The following ARR3 variants were observed in gnomAD, a reference collection of about 807,000 sequenced individuals.
ARR3 encodes the protein arrestin 3, also known as arrestin-C.
In ARR3, 14 loss-of-function variants were observed where a neutral mutation model predicts 35.4. That is an observed-to-expected ratio of 0.40 (90% confidence interval 0.26 to 0.62). The LOEUF is 0.62. Ranked by LOEUF, ARR3 falls within the 20% of genes least tolerant of loss-of-function variation. ARR3 has a pLI of 0.46. For missense variants in ARR3, 259 were observed against 303.8 expected, an observed-to-expected ratio of 0.85 and a Z score of 1.10; for synonymous variants, 97 against 119.1, an observed-to-expected ratio of 0.81 and a Z score of 1.21.
chrX:70,281,687 T>C lies in ARR3; in HGVS notation c.1088T>C (p.Ile363Thr). 8.4e-7 allele frequency: 1 copy of C among 1,183,824 alleles called. No homozygotes were observed. The highest frequency in any genetic ancestry group is 2.4e-5 in the Admixed American group (1 of 41,711). Residue 363 changes from isoleucine (I) to threonine (T), a missense_variant, in exon 17 of 17, where the codon ATA becomes ACA. Coordinates refer to ENST00000307959, the MANE Select transcript of ARR3 (RefSeq NM_004312.3). ...GCTGCTTCTGCAAGCTCTGAGGACA[T>C]AGTCATCGAGGAGTTTACGCGGAAA... ...PSHEAASSED[I>T]VIEEFTRKGE...
intron 5 of ARR3, among the ~76,000 whole-genome samples, chrX:70,275,233 G>C (rs1288146602): frequency 8.9e-6 from 1 of 112,406 alleles, no homozygotes; most frequent in Non-Finnish European, 1.9e-5. Context: ...AACTCCTTTT[G>C]CTCCACATCT....
At chrX:70,281,862 T>G, downstream of ARR3, 1 of 739,230 alleles carries the variant, frequency 1.4e-6, no homozygotes, top group Non-Finnish European at 2.0e-6. Context: ...CTTGCCTATT[T>G]CCTCTTCCTG....
intron 16 of ARR3, 103 bp downstream of exon 16, chrX:70,281,211 A>G: frequency 9.9e-7 from 1 of 1,011,312 alleles, no homozygotes. Flanking sequence ...GGTGCTTTCA[A>G]TACATGTGCA....
Position 70,278,486 on chromosome X carries a change from C to A in ARR3, c.768-18C>A. The stretch of plus-strand genomic sequence containing the variant: ...CAGCAAGCCCAGCCTAAATTCTTCT[C>A]TTGTTCTTCTTTTGTAGGGAGACTG... On this transcript the variant is annotated intron_variant, in intron 11 of 16. Coordinates refer to ENST00000307959, the MANE Select transcript of ARR3 (RefSeq NM_004312.3). 1 of 1,203,921 alleles carries A rather than the reference C, an allele frequency of 8.3e-7. No individual in the cohort carries two copies. Among genetic ancestry groups the A allele is most frequent in the South Asian group, 1.8e-5 (1 of 55,571 alleles).
Position 70,277,424 on chromosome X carries a change from A to G in ARR3, c.504A>G (p.Val168=), listed in dbSNP as rs185508067. ...RDYVRLVVRK[V]QFAPPEAGPG... Reference sequence around the variant, plus strand: ...ATGTGCGGCTGGTTGTCCGGAAAGTACAATTTGCACCACCGGAGGCAGGCC... The same window carrying G: ...ATGTGCGGCTGGTTGTCCGGAAAGTGCAATTTGCACCACCGGAGGCAGGCC... The change falls in exon 9 of 17, where the codon GTA becomes GTG. Residue 168 remains valine (V), a synonymous_variant. Coordinates refer to ENST00000307959, the MANE Select transcript of ARR3 (RefSeq NM_004312.3). 2.5e-6 allele frequency: 3 copies of G among 1,210,016 alleles called. No homozygotes were observed. In the East Asian group the frequency reaches 8.9e-5, roughly 36 times the overall value.
intron 4 of ARR3, 48 bp downstream of exon 4, chrX:70,269,951 TA>T: frequency 8.4e-7 from 1 of 1,190,552 alleles, no homozygotes; most frequent in Non-Finnish European, 1.1e-6. Flanking sequence ...GAATGGAAAC[TA>T]GGGAGTAAAA....
intron 12 of ARR3, 150 bp from the exon 13 acceptor site, chrX:70,280,045 C>T (rs1273280110): frequency 1.7e-5 from 8 of 481,268 alleles, no homozygotes; most frequent in East Asian, 7.3e-5. Flanking sequence ...GTGGTCTCAA[C>T]GGGTAGGAAA....
At chrX:70,279,870 T>C (rs1265022152) in intron 12 of ARR3, among the ~76,000 whole-genome samples, 1 of 111,689 alleles carries the variant, frequency 9.0e-6, no homozygotes, top group African/African-American at 3.3e-5. Context: ...AGAAGATGGG[T>C]CTGCTTAGGT....
intron 16 of ARR3, among the ~76,000 whole-genome samples, chrX:70,281,390 C>T (rs904283768): frequency 3.6e-5 from 4 of 110,036 alleles, no homozygotes; most frequent in African/African-American, 1.3e-4. Context: ...CTCGCCCTTA[C>T]TTCTTTCGTC....
At chrX:70,272,847 G>A in intron 5 of ARR3, among the ~76,000 whole-genome samples, 1 of 112,355 alleles carries the variant, frequency 8.9e-6, no homozygotes, top group South Asian at 3.7e-4. Context: ...TCTGGTGTTT[G>A]ATGTTTTGAG....
At chrX:70,274,692 C>T (rs1036118985) in intron 5 of ARR3, among the ~76,000 whole-genome samples, 3 of 112,540 alleles carry the variant, frequency 2.7e-5, no homozygotes, top group African/African-American at 6.5e-5. Flanking sequence ...CTCTCTGCTT[C>T]CAAGATGGTG....
In ARR3 at chrX:70,268,646, T is replaced by C. The variant is rs2085617401; in HGVS notation, c.-31+274T>C. On this transcript the variant is annotated intron_variant, in intron 1 of 16. Coordinates refer to ENST00000307959, the MANE Select transcript of ARR3 (RefSeq NM_004312.3). ...AAGGCCTAGCCCCTGGGGACCTGGA[T>C]GGGGATAAGGATGGGAAAATCTAGG... Among the ~76,000 whole-genome samples, 4 of 111,632 alleles carry C rather than the reference T, an allele frequency of 3.6e-5. No homozygotes were observed. In the Admixed American group the frequency reaches 3.8e-4, roughly 11 times the overall value.
Position 70,269,976 on chromosome X carries a change from A to C in ARR3, c.100+73A>C. ...TAGGGAGTAAAAGAAAGTCCAGGAA[A>C]GACCGTGCAGAAAAGGAGGCAAATT... On this transcript the variant is annotated intron_variant, in intron 4 of 16. Coordinates refer to ENST00000307959, the MANE Select transcript of ARR3 (RefSeq NM_004312.3). 5.1e-6 allele frequency: 6 copies of C among 1,176,798 alleles called. No homozygotes were observed. In the South Asian group the frequency reaches 1.1e-4, roughly 21 times the overall value.
intron 16 of ARR3, among the ~76,000 whole-genome samples, 195 bp from the exon 17 acceptor site, chrX:70,281,481 G>A (rs1044505291): frequency 7.2e-5 from 8 of 110,852 alleles, no homozygotes. Context: ...TTTTGTGCTG[G>A]GAAATTTGGG....
intron 16 of ARR3, 148 bp downstream of exon 16, chrX:70,281,256 C>T: frequency 2.8e-6 from 2 of 709,533 alleles, no homozygotes; most frequent in South Asian, 5.4e-5. Context: ...TGTCACAGTT[C>T]GGTGCTTTTC....
intron 15 of ARR3, 97 bp from the exon 16 acceptor site, chrX:70,281,002 T>TTG: frequency 3.8e-6 from 3 of 793,550 alleles, no homozygotes; most frequent in Non-Finnish European, 5.2e-6. Context: ...ATTGGGAAGT[T>TTG]GGGGGGGGGG....
Position 70,281,774 on chromosome X carries a change from G to C in ARR3, c.*8G>C. ...GGAGATGAGGGGAGCTGAGCACCTC[G>C]CTCTGGTGCCCGTCTGTGTGGGAGC... is the stretch of plus-strand genomic sequence containing the variant. On this transcript the variant is annotated 3_prime_UTR_variant, in exon 17 of 17. Coordinates refer to ENST00000307959, the MANE Select transcript of ARR3 (RefSeq NM_004312.3). 2.6e-6 allele frequency: 3 copies of C among 1,157,779 alleles called. No individual in the cohort carries two copies. The highest frequency in any genetic ancestry group is 3.5e-6 in the Non-Finnish European group (3 of 863,735).
At chrX:70,270,735 G>A (rs765456197) in intron 5 of ARR3, among the ~76,000 whole-genome samples, 4 of 107,977 alleles carry the variant, frequency 3.7e-5, no homozygotes, top group African/African-American at 1.0e-4. Flanking sequence ...TCTGGTATAC[G>A]TCTTTCCATC....
At chrX:70,272,935 G>C (rs900673498) in intron 5 of ARR3, among the ~76,000 whole-genome samples, 1 of 111,649 alleles carries the variant, frequency 9.0e-6, no homozygotes, top group Admixed American at 9.5e-5. Flanking sequence ...TTGGGTCAGA[G>C]CCCCTGATAG....
Sources: gnomAD v4.1 joint callset for allele counts (sites outside exome capture counted in the v4.1 genomes callset) on GRCh38, gnomAD v4.1.1 for gene constraint, MANE v1.5 for transcripts, NCBI Gene and HGNC (gene_info 2026-07-23, HGNC 2026-07-21) for gene names.